Variants in WSB1 observed in about 807,000 individuals in gnomAD.
WSB1 encodes the protein WD repeat and SOCS box-containing protein 1.
Under a neutral mutation model 50.2 loss-of-function variants are expected in WSB1, and 23 were observed. The observed-to-expected ratio is 0.46, with a 90% CI of 0.33 to 0.65. The LOEUF (loss-of-function observed/expected upper bound fraction) is 0.65, where lower values mean the gene tolerates loss of function less well. WSB1 is among the 30% of genes least tolerant of loss of function. The pLI, the probability that WSB1 is intolerant of heterozygous loss-of-function variation, is 0.02. For missense variants in WSB1, 492 were observed against 522.3 expected (o/e 0.94, Z 0.56); for synonymous variants, 179 against 172.0 (o/e 1.04, Z -0.32).
At chr17:27,303,292 C>T in intron 2 of WSB1, 75 bp from the exon 3 acceptor site, 1 of 1,479,288 alleles carries the variant, frequency 6.8e-7, no homozygotes, top group Non-Finnish European at 9.1e-7. Flanking sequence ...TTAACAAACA[C>T]TTGTAATTAT....
chr17:27,301,538 C>G (rs778786437), intron 1 of WSB1, among the ~76,000 whole-genome samples: 10 of 151,990 alleles, frequency 6.6e-5, no homozygotes, highest in Admixed American at 3.3e-4. Context: ...GTTTTTTTTA[C>G]GGAAACTTTC....
At chr17:27,301,514 A>G (rs1407797202) in intron 1 of WSB1, among the ~76,000 whole-genome samples, 1 of 152,226 alleles carries the variant, frequency 6.6e-6, no homozygotes, top group Non-Finnish European at 1.5e-5. Context: ...TGGTCATTAC[A>G]TTATTATTGA....
chr17:27,294,770 T>A (rs1294471778), intron 1 of WSB1, among the ~76,000 whole-genome samples: 1 of 152,140 alleles, frequency 6.6e-6, no homozygotes, highest in Admixed American at 6.5e-5. Flanking sequence ...GAAGGGCCAC[T>A]CAGGGACTTT....
At chr17:27,308,911 G>T (rs1321496857) in intron 5 of WSB1, 189 bp from the exon 6 acceptor site, 6 of 1,206,088 alleles carry the variant, frequency 5.0e-6, no homozygotes, top group Admixed American at 8.2e-5. Flanking sequence ...AATAGAATTT[G>T]CATGTCTGCC....
At chr17:27,301,642 C>CGG (rs2017233477) in intron 1 of WSB1, 146 bp from the exon 2 acceptor site, 3 of 679,776 alleles carry the variant, frequency 4.4e-6, no homozygotes, top group African/African-American at 3.7e-5. Context: ...ATACTGCATA[C>CGG]CCCCCGTTAG....
Position 27,301,851 on chromosome 17 carries a change from G to C in WSB1, c.104G>C (p.Arg35Pro), listed in dbSNP as rs549014241. The C allele has an allele frequency of 6.2e-7, 1 of 1,614,044 alleles. No individual in the cohort carries two copies. Among genetic ancestry groups the C allele is most frequent in the South Asian group, 1.1e-5 (1 of 91,070 alleles). The change falls in exon 2 of 9, where the codon CGT (arginine) becomes CCT (proline). Residue 35 changes from arginine (R) to proline (P), a missense_variant. Arg to Pro is a moderately radical substitution (Grantham distance 103, BLOSUM62 -2). Transcript: ENST00000262394. ...GCTCCTTTTGACAAGAAATGTGGTC[G>C]TGAAAATTGGACTGTTGCTTTTGCT... ...PAAPFDKKCG[R>P]ENWTVAFAPD... is the part of the protein sequence containing the mutation.
chr17:27,294,925 T>A (rs1475537397), intron 1 of WSB1, among the ~76,000 whole-genome samples: 1 of 152,214 alleles, frequency 6.6e-6, no homozygotes, highest in African/African-American at 2.4e-5. Flanking sequence ...ATTTTTAAAA[T>A]GGTGTGGCCT....
At chr17:27,307,530 C>G (rs567619031) in intron 5 of WSB1, 4 of 566,820 alleles carry the variant, frequency 7.1e-6, no homozygotes, top group Non-Finnish European at 1.2e-5. Flanking sequence ...GTGATAATTA[C>G]AATACACTTT....
chr17:27,311,218 A>T (rs998492467), intron 7 of WSB1, among the ~76,000 whole-genome samples: 1 of 152,190 alleles, frequency 6.6e-6, no homozygotes, highest in African/African-American at 2.4e-5. Context: ...TAAGTGTAGG[A>T]AAGTAAGGAG....
chr17:27,313,358 GA>G lies in WSB1; in HGVS notation c.*991del, dbSNP rs2017761419. The G allele has an allele frequency of 6.7e-6, 1 of 148,450 alleles. No homozygotes were observed. The highest frequency in any genetic ancestry group is 2.1e-4 in the South Asian group (1 of 4,662). The allele number at this position is 148,450 out of a possible 1,614,324, so 9.2% of individuals were successfully genotyped here. On this transcript the variant is annotated 3_prime_UTR_variant, in exon 9 of 9. Coordinates refer to ENST00000262394, the MANE Select transcript of WSB1 (RefSeq NM_015626.10). ...GGTATAAAGTATTATAAATTGTTGTGAATTTGAAGAATCCGTCTACTGTATT... is the reference window on the plus strand; with the variant it reads ...GGTATAAAGTATTATAAATTGTTGTGATTTGAAGAATCCGTCTACTGTATT...
rs1438069873 is a variant in WSB1, at chr17:27,294,143, G to T, written c.-253G>T. On this transcript the variant is annotated 5_prime_UTR_variant, in exon 1 of 9. Coordinates refer to ENST00000262394, the MANE Select transcript of WSB1 (RefSeq NM_015626.10). Reference sequence around the variant, plus strand: ...TCTCGTTTGCAGTCGGCGCTTTAGGGGAACTGTCTTCCTCCGCAGGCGCGA... The same window carrying T: ...TCTCGTTTGCAGTCGGCGCTTTAGGTGAACTGTCTTCCTCCGCAGGCGCGA... 1 of 338,752 alleles carries T rather than the reference G, an allele frequency of 3.0e-6. No individual in the cohort carries two copies. Among genetic ancestry groups the T allele is most frequent in the Non-Finnish European group, 5.4e-6 (1 of 186,402 alleles). 21.0% of individuals were successfully genotyped at this position (338,752 alleles called of 1,614,324 possible). A position where few individuals can be genotyped will look rare whatever the true frequency, so the allele number is the denominator to read the frequency against.
Position 27,294,200 on chromosome 17 carries a change from A to C in WSB1, c.-196A>C. ...GTACAGGGTCTATTGTCTGTGGTTG[A>C]CTCCGTACTTTGGTCTGAGGCCTTC... is the stretch of plus-strand genomic sequence containing the variant. On this transcript the variant is annotated 5_prime_UTR_variant, in exon 1 of 9. Transcript: ENST00000262394. 8.4e-6 allele frequency: 5 copies of C among 598,352 alleles called. No individual in the cohort carries two copies. In the South Asian group the frequency reaches 8.4e-5, roughly 10 times the overall value. The allele number at this position is 598,352 out of a possible 1,614,324, so 37.1% of individuals were successfully genotyped here.
At chr17:27,304,545 A>AT (rs1393627876) in intron 3 of WSB1, among the ~76,000 whole-genome samples, 1 of 145,036 alleles carries the variant, frequency 6.9e-6, no homozygotes, top group Non-Finnish European at 1.5e-5. Context: ...CAAAAAAAAA[A>AT]AAAAAAAAAA....
intron 5 of WSB1, chr17:27,307,543 A>G: frequency 1.7e-6 from 1 of 579,006 alleles, no homozygotes; most frequent in Non-Finnish European, 3.0e-6. Flanking sequence ...TACACTTTGA[A>G]TTAATGGAGG....
rs1167318376 is a variant in WSB1, at chr17:27,311,545, A to G, written c.1035A>G (p.Pro345=). The G allele has an allele frequency of 6.2e-7, 1 of 1,611,446 alleles. No individual in the cohort carries two copies. The highest frequency in any genetic ancestry group is 2.2e-5 in the East Asian group (1 of 44,782). Residue 345 remains proline, a synonymous_variant, in exon 8 of 9, where the codon CCA becomes CCG. Coordinates refer to ENST00000262394, the MANE Select transcript of WSB1 (RefSeq NM_015626.10). ...VRFWRIDEDY[P]VQVAPLSNGL... is the part of the protein sequence containing the mutation. ...TCTGGAGAATTGATGAGGATTATCC[A>G]GTGCAAGTTGCACCTTTGAGCAATG... is the stretch of plus-strand genomic sequence containing the variant.
At position 27,294,158 on chromosome 17, in the gene WSB1, C is replaced by A. The variant is rs2016843095; in HGVS notation, c.-238C>A. 1 of 367,630 alleles carries A rather than the reference C, an allele frequency of 2.7e-6. No homozygotes were observed. The highest frequency in any genetic ancestry group is 4.9e-6 in the Non-Finnish European group (1 of 204,614). 22.8% of individuals were successfully genotyped at this position (367,630 alleles called of 1,614,324 possible). A position where few individuals can be genotyped will look rare whatever the true frequency, so the allele number is the denominator to read the frequency against. Reference sequence around the variant, plus strand: ...GCGCTTTAGGGGAACTGTCTTCCTCCGCAGGCGCGAGGCTGGGTACAGGGT... The same window carrying A: ...GCGCTTTAGGGGAACTGTCTTCCTCAGCAGGCGCGAGGCTGGGTACAGGGT... On this transcript the variant is annotated 5_prime_UTR_variant, in exon 1 of 9. Coordinates refer to ENST00000262394, the MANE Select transcript of WSB1 (RefSeq NM_015626.10).
intron 1 of WSB1, 79 bp downstream of exon 1, chr17:27,294,514 G>A (rs1470579527): frequency 6.3e-7 from 1 of 1,581,284 alleles, no homozygotes; most frequent in Non-Finnish European, 8.6e-7. Flanking sequence ...GGGAGGAAGC[G>A]ACTCCAAGTC....
intron 7 of WSB1, among the ~76,000 whole-genome samples, chr17:27,311,103 C>T (rs558518519): frequency 1.1e-4 from 16 of 152,264 alleles, no homozygotes; most frequent in African/African-American, 3.9e-4. Flanking sequence ...CCACCCACCT[C>T]GGCCTCCCAA....
intron 5 of WSB1, 29 bp downstream of exon 5, chr17:27,306,911 T>C: frequency 6.3e-7 from 1 of 1,597,194 alleles, no homozygotes; most frequent in South Asian, 1.1e-5. Flanking sequence ...GTACATTCAT[T>C]ATGAATTGGA....
Sources: allele counts gnomAD v4.1 joint callset (sites outside exome capture counted in the v4.1 genomes callset), GRCh38; gene constraint gnomAD v4.1.1; transcripts MANE v1.5; gene names NCBI Gene and HGNC (gene_info 2026-07-23, HGNC 2026-07-21).